EXOC5: variants seen among roughly 807,000 people sequenced by gnomAD.
EXOC5 encodes the protein SEC10-like 1.
A neutral mutation model predicts 90.8 loss-of-function variants in EXOC5; 17 were observed. The observed-to-expected ratio is 0.19, with a 90% CI of 0.13 to 0.28. The LOEUF (loss-of-function observed/expected upper bound fraction) is 0.28, where lower values mean the gene tolerates loss of function less well. Ranked by LOEUF, EXOC5 falls within the 10% of genes least tolerant of loss-of-function variation. The probability of loss-of-function intolerance (pLI) is 1.00; values close to 1 mark genes in which losing one functional copy is unlikely to be tolerated. For missense variants in EXOC5, 569 were observed against 830.6 expected (o/e 0.69, Z 3.87); for synonymous variants, 260 against 270.0 (o/e 0.96, Z 0.36).
intron 4 of EXOC5, among the ~76,000 whole-genome samples, chr14:57,242,132 GA>G (rs556701550): frequency 4.5e-3 from 347 of 77,802 alleles, no homozygotes; most frequent in African/African-American, 0.014. Context: ...GACTCCGTCT[GA>G]AAAAAAAAAA....
intron 1 of EXOC5, among the ~76,000 whole-genome samples, chr14:57,257,136 A>G (rs1184478956): frequency 1.3e-5 from 2 of 152,166 alleles, no homozygotes; most frequent in African/African-American, 4.8e-5. Flanking sequence ...ATGCATTCAT[A>G]TAAGTTGCTG....
chr14:57,223,792 T>G (rs74332679), intron 12 of EXOC5, among the ~76,000 whole-genome samples: 1 of 152,092 alleles, frequency 6.6e-6, no homozygotes, highest in African/African-American at 2.4e-5. Flanking sequence ...ACAAAAAAGA[T>G]GGACCATATT....
chr14:57,243,370 T>C (rs757868981), intron 4 of EXOC5: 1 of 152,354 alleles, frequency 6.6e-6, no homozygotes, highest in South Asian at 2.1e-4. Flanking sequence ...TGTTGCTTAA[T>C]TCAAAGTGAG....
At chr14:57,268,530 G>A in intron 1 of EXOC5, 92 bp downstream of exon 1, 1 of 1,538,832 alleles carries the variant, frequency 6.5e-7, no homozygotes, top group Non-Finnish European at 8.7e-7. Context: ...GGCTCCTCCT[G>A]GGCAGCCAGC....
chr14:57,238,417 T>C (rs890158053), intron 5 of EXOC5, among the ~76,000 whole-genome samples: 1 of 145,180 alleles, frequency 6.9e-6, no homozygotes, highest in African/African-American at 2.5e-5. Flanking sequence ...CACATATTCA[T>C]ATTCATATAT....
At chr14:57,232,214 C>T (rs1883508061) in intron 10 of EXOC5, 1 of 154,132 alleles carries the variant, frequency 6.5e-6, no homozygotes. Flanking sequence ...AAAATGAAGA[C>T]ACTGAAGAAG....
At chr14:57,218,822 C>T (rs1177243080) in intron 14 of EXOC5, among the ~76,000 whole-genome samples, 2 of 152,022 alleles carry the variant, frequency 1.3e-5, no homozygotes, top group African/African-American at 2.4e-5. Context: ...TTCACATATA[C>T]ACCATCTTAT....
rs1219929573 is a variant in EXOC5, at chr14:57,203,693, T to C, written c.*4916A>G. On this transcript the variant is annotated 3_prime_UTR_variant, in exon 18 of 18. Transcript: ENST00000621441. ...GATTATAAAGTAATTTAAGTGATTT[T>C]TGAAAGTAAACTTAATTCCAGTTTC... The C allele has an allele frequency of 2.0e-5, 3 of 152,656 alleles. No individual in the cohort carries two copies. The highest frequency in any genetic ancestry group is 4.4e-5 in the Non-Finnish European group (3 of 68,042). 9.5% of individuals were successfully genotyped at this position (152,656 alleles called of 1,614,324 possible).
intron 11 of EXOC5, among the ~76,000 whole-genome samples, chr14:57,230,515 T>TA (rs975627396): frequency 1.5e-4 from 23 of 152,182 alleles, no homozygotes; most frequent in African/African-American, 5.5e-4. Context: ...TTTCAGGTAT[T>TA]ACCTCTTACT....
In EXOC5 at chr14:57,202,741, T is replaced by C. The variant is rs1240300999; in HGVS notation, c.*5868A>G. 1.3e-5 allele frequency: 2 copies of C among 152,216 alleles called. No individual in the cohort carries two copies. Among genetic ancestry groups the C allele is most frequent in the East Asian group, 3.8e-4 (2 of 5,204 alleles). 9.4% of individuals were successfully genotyped at this position (152,216 alleles called of 1,614,324 possible). A position where few individuals can be genotyped will look rare whatever the true frequency, so the allele number is the denominator to read the frequency against. ...TGTTATTAATTTCCTTTGAAATTTT[T>C]CTCATGCAAGACTTTCAGAATCTTG... On this transcript the variant is annotated 3_prime_UTR_variant, in exon 18 of 18. Coordinates refer to ENST00000621441, the MANE Select transcript of EXOC5 (RefSeq NM_006544.4).
chr14:57,210,301 T>C (rs1381403649), intron 15 of EXOC5, among the ~76,000 whole-genome samples: 1 of 152,166 alleles, frequency 6.6e-6, no homozygotes, highest in Non-Finnish European at 1.5e-5. Context: ...GTGCAATACT[T>C]CAAGATTCAA....
intron 7 of EXOC5, among the ~76,000 whole-genome samples, chr14:57,234,604 C>A (rs1883601880): frequency 6.8e-6 from 1 of 147,712 alleles, no homozygotes; most frequent in African/African-American, 2.5e-5. Flanking sequence ...TCACTCCTGT[C>A]ACCCAGGCTG....
chr14:57,239,037 C>T (rs1883771109), intron 5 of EXOC5, among the ~76,000 whole-genome samples: 1 of 151,850 alleles, frequency 6.6e-6, no homozygotes, highest in East Asian at 1.9e-4. Context: ...GCTCTGGGGC[C>T]TTGCATTTTA....
chr14:57,254,304 G>A (rs755526886), intron 1 of EXOC5, among the ~76,000 whole-genome samples: 3 of 152,050 alleles, frequency 2.0e-5, no homozygotes, highest in Non-Finnish European at 4.4e-5. Flanking sequence ...GTGTGGTGGC[G>A]AGTGCCTGTA....
chr14:57,256,194 C>G (rs1050684204), intron 1 of EXOC5, among the ~76,000 whole-genome samples: 4 of 152,008 alleles, frequency 2.6e-5, no homozygotes, highest in Non-Finnish European at 4.4e-5. Context: ...CCATAATGAT[C>G]AGGATGAGGC....
chr14:57,234,311 T>C (rs1375700577), intron 7 of EXOC5, among the ~76,000 whole-genome samples: 3 of 151,722 alleles, frequency 2.0e-5, no homozygotes, highest in Non-Finnish European at 2.9e-5. Context: ...CTGAGTTCTT[T>C]AGAGTAATTT....
At position 57,201,514 on chromosome 14, in the gene EXOC5, GTATA is replaced by G. The variant is rs1187710835; in HGVS notation, c.*7091_*7094del. On this transcript the variant is annotated 3_prime_UTR_variant, in exon 18 of 18. Coordinates refer to ENST00000621441, the MANE Select transcript of EXOC5 (RefSeq NM_006544.4). ...CACACGTGTATATACACACACATAT[GTATA>G]TATATACACACACACCACACATATA... 7 of 134,360 alleles carry G rather than the reference GTATA, an allele frequency of 5.2e-5. No individual in the cohort carries two copies. Among genetic ancestry groups the G allele is most frequent in the Non-Finnish European group, 9.4e-5 (6 of 63,772 alleles). The allele number at this position is 134,360 out of a possible 1,614,324, so 8.3% of individuals were successfully genotyped here. A position where few individuals can be genotyped will look rare whatever the true frequency, so the allele number is the denominator to read the frequency against.
chr14:57,238,219 T>TAC (rs199783480), intron 5 of EXOC5, among the ~76,000 whole-genome samples: 4,244 of 73,628 alleles, frequency 0.058, 188 homozygotes, highest in African/African-American at 0.18. Flanking sequence ...ACTCCACATA[T>TAC]ATATACACAC....
chr14:57,257,838 C>T (rs1566506396), intron 1 of EXOC5, among the ~76,000 whole-genome samples: 1 of 152,040 alleles, frequency 6.6e-6, no homozygotes. Context: ...CAAGTCCTCC[C>T]AAAAGACTTC....
Sources: gnomAD v4.1 joint callset for allele counts (sites outside exome capture counted in the v4.1 genomes callset) on GRCh38, gnomAD v4.1.1 for gene constraint, MANE v1.5 for transcripts, NCBI Gene and HGNC (gene_info 2026-07-23, HGNC 2026-07-21) for gene names.